NUP205: variants seen among roughly 807,000 people sequenced by gnomAD.
NUP205 encodes the protein nucleoporin 205.
Under a neutral mutation model 253.8 loss-of-function variants are expected in NUP205, and 76 were observed. The ratio of observed to expected loss-of-function variants is 0.30; its 90% CI spans 0.25 to 0.36. NUP205 has a LOEUF of 0.36. Among genes scored for constraint, NUP205 ranks in the 10% least tolerant of loss-of-function variants. NUP205 has a pLI of 1.00. For synonymous variants in NUP205, 832 were observed against 850.1 expected (o/e 0.98, Z 0.37); for missense variants, 2,162 against 2,425.5 (o/e 0.89, Z 2.28).
At chr7:135,595,269 G>C (rs1793797579) in intron 13 of NUP205, among the ~76,000 whole-genome samples, 1 of 151,878 alleles carries the variant, frequency 6.6e-6, no homozygotes, top group Non-Finnish European at 1.5e-5. Flanking sequence ...GGCAAGGATG[G>C]AGTGAGTACA....
intron 33 of NUP205, 44 bp downstream of exon 33, chr7:135,626,405 GATT>G: frequency 6.4e-7 from 1 of 1,570,762 alleles, no homozygotes; most frequent in Non-Finnish European, 8.6e-7. Context: ...CCCAGTAAAG[GATT>G]ATTAAGGGAA....
chr7:135,574,286 A>G (rs1390127052), intron 3 of NUP205, among the ~76,000 whole-genome samples: 1 of 152,178 alleles, frequency 6.6e-6, no homozygotes, highest in Non-Finnish European at 1.5e-5. Flanking sequence ...TTTTTGAGAG[A>G]GTAATTCAGA....
intron 30 of NUP205, among the ~76,000 whole-genome samples, chr7:135,622,364 A>C (rs1264030387): frequency 6.6e-6 from 1 of 150,582 alleles, no homozygotes; most frequent in Non-Finnish European, 1.5e-5. Flanking sequence ...TGGAGGCTGC[A>C]GTGAGCCAAG....
chr7:135,607,243 G>T lies in NUP205; in HGVS notation c.3071-4G>T, dbSNP rs773094802. On this transcript the variant is annotated splice_polypyrimidine_tract_variant and splice_region_variant and intron_variant, in intron 21 of 42. Coordinates refer to ENST00000285968, the MANE Select transcript of NUP205 (RefSeq NM_015135.3). The stretch of plus-strand genomic sequence containing the variant: ...AAGTTGAATTTCTTTTTGGTTTCAT[G>T]CAGGAGTGTTAGGTTGCCCTCGGAC... 2 of 1,607,788 alleles carry T rather than the reference G, an allele frequency of 1.2e-6. No individual in the cohort carries two copies. Among genetic ancestry groups the T allele is most frequent in the African/African-American group, 1.3e-5 (1 of 74,646 alleles).
chr7:135,600,825 C>T, intron 15 of NUP205, 45 bp from the exon 16 acceptor site: 1 of 1,177,546 alleles, frequency 8.5e-7, no homozygotes, highest in South Asian at 1.4e-5. Flanking sequence ...AGGCCACCAC[C>T]TTGGTCTGTT....
chr7:135,575,880 G>A (rs150431656), intron 3 of NUP205, among the ~76,000 whole-genome samples: 1 of 152,292 alleles, frequency 6.6e-6, no homozygotes, highest in Non-Finnish European at 1.5e-5. Context: ...AGAAGATTCC[G>A]AGGGAAGAAA....
intron 18 of NUP205, among the ~76,000 whole-genome samples, chr7:135,603,601 C>A (rs1240045618): frequency 2.0e-5 from 3 of 150,130 alleles, no homozygotes; most frequent in Non-Finnish European, 4.5e-5. Flanking sequence ...CCTTCGCCTC[C>A]CAGGCTCAGG....
chr7:135,647,762 C>T (rs1795037122), intron 42 of NUP205, among the ~76,000 whole-genome samples: 1 of 152,140 alleles, frequency 6.6e-6, no homozygotes, highest in Admixed American at 6.5e-5. Context: ...ATCTCACACT[C>T]TGTGTTGTGA....
At position 135,593,095 on chromosome 7, in the gene NUP205, G is replaced by A; in HGVS notation, c.1733G>A (p.Ser578Asn). Reference protein sequence around the residue: ...HLRKDLPSADSVQYRHLPSRG... With the variant: ...HLRKDLPSADNVQYRHLPSRG... ...CGGAAGGATCTTCCAAGTGCAGATA[G>A]TGTCCAGTACCGTCACCTTCCTTCC... The change falls in exon 12 of 43, where the codon AGT becomes AAT. Residue 578 changes from serine to asparagine, a missense_variant. By Grantham distance (46) the Ser-to-Asn change is conservative. Coordinates refer to ENST00000285968, the MANE Select transcript of NUP205 (RefSeq NM_015135.3). 6.2e-7 allele frequency: 1 copy of A among 1,614,076 alleles called. No individual in the cohort carries two copies. Among genetic ancestry groups the A allele is most frequent in the East Asian group, 2.2e-5 (1 of 44,872 alleles).
At chr7:135,645,873 G>A (rs1794997707) in intron 41 of NUP205, 3 of 575,026 alleles carry the variant, frequency 5.2e-6, no homozygotes, top group Non-Finnish European at 9.2e-6. Flanking sequence ...AATGGAGGAG[G>A]TCTGCTATTA....
At chr7:135,588,082 T>C in intron 10 of NUP205, 90 bp downstream of exon 10, 1 of 1,141,864 alleles carries the variant, frequency 8.8e-7, no homozygotes. Flanking sequence ...ATTTTATTGC[T>C]GTTAACACAA....
chr7:135,630,385 A>T lies in NUP205; in HGVS notation c.4974A>T (p.Ala1658=), dbSNP rs746960959. The change falls in exon 35 of 43, where the codon GCA becomes GCT. Residue 1658 remains alanine (A), a synonymous_variant. Transcript: ENST00000285968. ...FLISHSDTIQ[A]ILRCQDVSAG... ...TTTCACATTCTGATACCATACAAGC[A>T]ATTCTGCGCTGTCAGGATGTTAGTG... 1.7e-5 allele frequency: 27 copies of T among 1,607,398 alleles called. No homozygotes were observed. The highest frequency in any genetic ancestry group is 2.2e-5 in the Non-Finnish European group (26 of 1,176,718).
chr7:135,574,967 A>C (rs1471065566), intron 3 of NUP205, among the ~76,000 whole-genome samples: 1 of 152,152 alleles, frequency 6.6e-6, no homozygotes, highest in Non-Finnish European at 1.5e-5. Flanking sequence ...AATGAGGGGG[A>C]TGTTCACTAG....
At chr7:135,635,553 A>G (rs375554390) in intron 35 of NUP205, 28 bp from the exon 36 acceptor site, 3 of 1,203,986 alleles carry the variant, frequency 2.5e-6, no homozygotes, top group African/African-American at 1.5e-5. Flanking sequence ...TTATAATAAT[A>G]TGTTTTAAAG....
chr7:135,575,970 A>C (rs1250112382), intron 3 of NUP205, among the ~76,000 whole-genome samples: 1 of 152,226 alleles, frequency 6.6e-6, no homozygotes, highest in Non-Finnish European at 1.5e-5. Context: ...CAACAGTGAG[A>C]CCAAAAGATT....
chr7:135,609,656 A>G (rs1794182706), intron 22 of NUP205, among the ~76,000 whole-genome samples: 1 of 152,090 alleles, frequency 6.6e-6, no homozygotes, highest in East Asian at 1.9e-4. Flanking sequence ...TCAAAAAAAA[A>G]AAAAGAAATG....
At chr7:135,645,365 C>G in intron 40 of NUP205, 103 bp from the exon 41 acceptor site, 8 of 1,183,800 alleles carry the variant, frequency 6.8e-6, no homozygotes, top group Non-Finnish European at 8.5e-6. Context: ...CTGTGGGTAC[C>G]TCATTAAGTG....
intron 38 of NUP205, among the ~76,000 whole-genome samples, chr7:135,639,988 C>T (rs902174333): frequency 1.3e-5 from 2 of 152,150 alleles, no homozygotes; most frequent in African/African-American, 4.8e-5. Flanking sequence ...TGTTCTCACT[C>T]ATAAGTGGAA....
Position 135,594,634 on chromosome 7 carries a change from C to T in NUP205, c.1918C>T (p.Pro640Ser), listed in dbSNP as rs747009128. 6 of 1,613,804 alleles carry T rather than the reference C, an allele frequency of 3.7e-6. No individual in the cohort carries two copies. The highest frequency in any genetic ancestry group is 2.5e-6 in the Non-Finnish European group (3 of 1,179,810). ...GGGACTCCTCCAATGCAGTATTCCC[C>T]CTGTCCTAAAAGCTGAGCTACTGAA... ...ILGLLQCSIP[P>S]VLKAELLKTL... The change falls in exon 13 of 43, where the codon CCT becomes TCT. Residue 640 changes from proline to serine, a missense_variant. Transcript: ENST00000285968.
Sources: gnomAD v4.1 joint callset for allele counts (sites outside exome capture counted in the v4.1 genomes callset) on GRCh38, gnomAD v4.1.1 for gene constraint, MANE v1.5 for transcripts, NCBI Gene and HGNC (gene_info 2026-07-23, HGNC 2026-07-21) for gene names.